The following CYB5R4 variants were observed in gnomAD, a reference collection of about 807,000 sequenced individuals.
The protein encoded by CYB5R4 is N-terminal cytochrome b5 and cytochrome b5 oxidoreductase domain-containing protein.
In CYB5R4, 55 loss-of-function variants were observed where a neutral mutation model predicts 70.2. The ratio of observed to expected loss-of-function variants is 0.78; its 90% CI spans 0.63 to 0.98. CYB5R4 has a LOEUF of 0.98. CYB5R4 is among the 50% of genes least tolerant of loss of function. The probability of loss-of-function intolerance (pLI) is 0.00; values close to 1 mark genes in which losing one functional copy is unlikely to be tolerated. For synonymous variants in CYB5R4, 197 were observed against 199.5 expected (o/e 0.99, Z 0.11); for missense variants, 562 against 612.6 (o/e 0.92, Z 0.87).
chr6:83,917,300 A>G (rs1266103609), intron 5 of CYB5R4, among the ~76,000 whole-genome samples: 1 of 152,114 alleles, frequency 6.6e-6, no homozygotes, highest in Non-Finnish European at 1.5e-5. Context: ...AAAAGTGTAA[A>G]TTGGTACAAC....
chr6:83,887,959 T>C (rs1027287592), intron 2 of CYB5R4, among the ~76,000 whole-genome samples: 1 of 152,186 alleles, frequency 6.6e-6, no homozygotes, highest in African/African-American at 2.4e-5. Context: ...CCATGGAGGA[T>C]TGGTGTTTCA....
In CYB5R4 at chr6:83,914,391, CT is replaced by C. The variant is rs763148662; in HGVS notation, c.413-17del. ...TTGACATTAAAGTATTCTTATTTGACTTTTTTTTCTAAATCACTATACAGAC... is the reference window on the plus strand; with the variant it reads ...TTGACATTAAAGTATTCTTATTTGACTTTTTTTCTAAATCACTATACAGAC... On this transcript the variant is annotated intron_variant, in intron 4 of 15. Transcript: ENST00000369681. The C allele has an allele frequency of 1.6e-5, 25 of 1,523,432 alleles. No homozygotes were observed. The highest frequency in any genetic ancestry group is 7.9e-5 in the Admixed American group (4 of 50,526). The allele number at this position is 1,523,432 out of a possible 1,614,324, so 94.4% of individuals were successfully genotyped here. A position where few individuals can be genotyped will look rare whatever the true frequency, so the allele number is the denominator to read the frequency against.
At chr6:83,940,244 G>T in intron 13 of CYB5R4, 38 bp downstream of exon 13, 1 of 1,558,902 alleles carries the variant, frequency 6.4e-7, no homozygotes, top group South Asian at 1.2e-5. Flanking sequence ...CCTTTTTGAG[G>T]CTGTTATATT....
intron 3 of CYB5R4, among the ~76,000 whole-genome samples, chr6:83,901,695 A>G (rs1399748050): frequency 7.4e-6 from 1 of 135,548 alleles, no homozygotes; most frequent in Non-Finnish European, 1.5e-5. Context: ...ACCAGCGTCT[A>G]TTATTTCTTG....
intron 2 of CYB5R4, 74 bp downstream of exon 2, chr6:83,864,402 G>A: frequency 7.6e-7 from 1 of 1,311,776 alleles, no homozygotes; most frequent in South Asian, 1.5e-5. Flanking sequence ...TAACCTCACA[G>A]TCATGTTATT....
chr6:83,955,112 T>C (rs1234055415), intron 14 of CYB5R4, among the ~76,000 whole-genome samples, 186 bp from the exon 15 acceptor site: 5 of 152,160 alleles, frequency 3.3e-5, no homozygotes, highest in Non-Finnish European at 7.4e-5. Flanking sequence ...TAATCCTTAG[T>C]AAATATAGAT....
At chr6:83,943,953 A>G (rs1019050623) in intron 14 of CYB5R4, among the ~76,000 whole-genome samples, 5 of 151,384 alleles carry the variant, frequency 3.3e-5, no homozygotes, top group Non-Finnish European at 5.9e-5. Flanking sequence ...GAAATATGGG[A>G]CTACATTTGG....
intron 3 of CYB5R4, among the ~76,000 whole-genome samples, chr6:83,894,055 A>G (rs971430830): frequency 1.3e-5 from 2 of 152,228 alleles, no homozygotes; most frequent in African/African-American, 4.8e-5. Flanking sequence ...GCCTACTGCT[A>G]TATACTGAAT....
chr6:83,924,130 G>T (rs948258049), intron 9 of CYB5R4, among the ~76,000 whole-genome samples: 8 of 135,712 alleles, frequency 5.9e-5, no homozygotes, highest in East Asian at 2.3e-4. Flanking sequence ...ATGCTAATTT[G>T]TACATCTCAA....
chr6:83,951,970 C>A (rs1326742033), intron 14 of CYB5R4, among the ~76,000 whole-genome samples: 1 of 152,092 alleles, frequency 6.6e-6, no homozygotes, highest in Non-Finnish European at 1.5e-5. Flanking sequence ...ATGCCTCTGA[C>A]AATGAAAACA....
chr6:83,893,716 A>G lies in CYB5R4; in HGVS notation c.330+94A>G, dbSNP rs939531870. On this transcript the variant is annotated intron_variant, in intron 3 of 15. Transcript: ENST00000369681. ...GTAGAAAGAAAGGAAATAGTTGCAT[A>G]AATTCCAGATGCATTGGCTTGAATT... 5.1e-5 allele frequency: 35 copies of G among 691,528 alleles called. No individual in the cohort carries two copies. The South Asian group carries it at 7.6e-4, about 15-fold the overall frequency. 42.8% of individuals were successfully genotyped at this position (691,528 alleles called of 1,614,324 possible).
At chr6:83,934,771 C>A (rs767751603) in intron 11 of CYB5R4, 36 bp downstream of exon 11, 6 of 1,565,114 alleles carry the variant, frequency 3.8e-6, no homozygotes, top group Non-Finnish European at 4.3e-6. Context: ...ACAATTTATT[C>A]TTTTATAAGC....
At chr6:83,919,760 C>CTGTGTGTGTGTG (rs58002492) in intron 7 of CYB5R4, among the ~76,000 whole-genome samples, 22 of 142,084 alleles carry the variant, frequency 1.5e-4, no homozygotes, top group African/African-American at 5.4e-4. Flanking sequence ...ATGTGTTTTT[C>CTGTGTGTGTGTG]TGTGTGTGTG....
At chr6:83,878,707 G>A (rs910737788) in intron 2 of CYB5R4, among the ~76,000 whole-genome samples, 3 of 151,668 alleles carry the variant, frequency 2.0e-5, no homozygotes, top group Admixed American at 6.6e-5. Context: ...AGAAACTGTG[G>A]TATTTACACT....
Position 83,921,143 on chromosome 6 carries a change from T to C in CYB5R4, c.626T>C (p.Ile209Thr), listed in dbSNP as rs1312844871. Reference sequence around the variant, plus strand: ...AATGATTCCTTTAGAGCAGAAACAATTATTAAGGATTGTTTATATCTTATA... The same window carrying C: ...AATGATTCCTTTAGAGCAGAAACAACTATTAAGGATTGTTTATATCTTATA... ...HQNDSFRAET[I>T]IKDCLYLIHI... The change falls in exon 8 of 16, where the codon ATT becomes ACT. Residue 209 changes from isoleucine (I) to threonine (T), a missense_variant. Transcript: ENST00000369681. 4.6e-6 allele frequency: 7 copies of C among 1,526,932 alleles called. No homozygotes were observed. The Admixed American group carries it at 1.3e-4, about 29-fold the overall frequency. 94.6% of individuals were successfully genotyped at this position (1,526,932 alleles called of 1,614,324 possible).
rs573799205 is a variant in CYB5R4 at position 83,962,518 on chromosome 6, A to T, written c.*2640A>T. On this transcript the variant is annotated 3_prime_UTR_variant, in exon 16 of 16. Coordinates refer to ENST00000369681, the MANE Select transcript of CYB5R4 (RefSeq NM_016230.4). ...TTAAAAAAAAGTTTATTAATTTTCT[A>T]TTGCTGCTAGATCAAATTACTACAA... 3.9e-5 allele frequency: 6 copies of T among 152,322 alleles called. No homozygotes were observed. Among genetic ancestry groups the T allele is most frequent in the African/African-American group, 1.4e-4 (6 of 41,574 alleles). 9.4% of individuals were successfully genotyped at this position (152,322 alleles called of 1,614,324 possible).
rs201073189 is a variant in CYB5R4 at position 83,940,624 on chromosome 6, G to A, written c.1346+23G>A. ...AAGGTATTAAACTGATATTAGCTCT[G>A]CGTTTAGTTATTTATACCTGGGTAG... On this transcript the variant is annotated intron_variant, in intron 14 of 15. Transcript: ENST00000369681. The A allele has an allele frequency of 3.2e-5, 51 of 1,583,614 alleles. No individual in the cohort carries two copies. The East Asian group carries it at 1.2e-3, about 36-fold the overall frequency.
At chr6:83,864,123 T>C (rs2099456404) in intron 1 of CYB5R4, 52 bp from the exon 2 acceptor site, 1 of 1,441,642 alleles carries the variant, frequency 6.9e-7, no homozygotes. Context: ...TCTTTTAAAA[T>C]GGAATTAAAA....
rs2099466309 is a variant in CYB5R4, at chr6:83,921,117, G to A, written c.600G>A (p.Gln200=). Residue 200 remains glutamine (Q), a synonymous_variant, in exon 8 of 16, where the codon CAG becomes CAA. Coordinates refer to ENST00000369681, the MANE Select transcript of CYB5R4 (RefSeq NM_016230.4). ...INLDSIIVDH[Q]NDSFRAETII... is the part of the protein sequence containing the mutation. The stretch of plus-strand genomic sequence containing the variant: ...TAGACTCAATAATAGTTGATCATCA[G>A]AATGATTCCTTTAGAGCAGAAACAA... The A allele has an allele frequency of 2.0e-6, 3 of 1,532,184 alleles. No individual in the cohort carries two copies. Among genetic ancestry groups the A allele is most frequent in the Non-Finnish European group, 2.7e-6 (3 of 1,123,854 alleles). 94.9% of individuals were successfully genotyped at this position (1,532,184 alleles called of 1,614,324 possible). A position where few individuals can be genotyped will look rare whatever the true frequency, so the allele number is the denominator to read the frequency against.
Sources: gnomAD v4.1 joint callset for allele counts (sites outside exome capture counted in the v4.1 genomes callset) on GRCh38, gnomAD v4.1.1 for gene constraint, MANE v1.5 for transcripts, NCBI Gene and HGNC (gene_info 2026-07-23, HGNC 2026-07-21) for gene names.